The following LRRC61 variants were observed in gnomAD, a reference collection of about 807,000 sequenced individuals.
LRRC61 encodes leucine-rich repeat-containing protein 61.
LRRC61 carries 9 observed loss-of-function variants against 15.1 expected under a neutral mutation model. The observed-to-expected ratio is 0.60, with a 90% CI of 0.36 to 1.04. The LOEUF (loss-of-function observed/expected upper bound fraction) is 1.04. Ranked by LOEUF, LRRC61 falls within the 50% of genes least tolerant of loss-of-function variation. The pLI is 0.01. For synonymous variants in LRRC61, 173 were observed against 158.6 expected, an observed-to-expected ratio of 1.09 and a Z score of -0.68; for missense variants, 344 against 335.6, an observed-to-expected ratio of 1.03 and a Z score of -0.20.
chr7:150,316,651 A>T, the LRRC61 span, among the ~76,000 whole-genome samples: 5 of 151,862 alleles, frequency 3.3e-5, no homozygotes, highest in Non-Finnish European at 7.4e-5. Context: ...ACGCTCAGCT[A>T]ATTTTTGTAT....
the LRRC61 span, among the ~76,000 whole-genome samples, chr7:150,317,270 G>A: frequency 6.6e-6 from 1 of 152,124 alleles, no homozygotes; most frequent in East Asian, 1.9e-4. Context: ...GGCTGGTCTC[G>A]AACTTATGGA....
chr7:150,318,676 C>T (rs1045092401), upstream of LRRC61, among the ~76,000 whole-genome samples: 4 of 152,110 alleles, frequency 2.6e-5, no homozygotes, highest in Non-Finnish European at 5.9e-5. Flanking sequence ...GCAGAAGAAT[C>T]GCTTGAACCC....
chr7:150,316,863 G>A, the LRRC61 span, among the ~76,000 whole-genome samples: 2 of 152,228 alleles, frequency 1.3e-5, no homozygotes, highest in South Asian at 2.1e-4. Context: ...AGGGAGAACC[G>A]ATATCTTTTA....
upstream of LRRC61, among the ~76,000 whole-genome samples, chr7:150,319,077 A>G (rs1201125211): frequency 2.0e-5 from 3 of 152,190 alleles, no homozygotes; most frequent in African/African-American, 7.2e-5. Context: ...CCAGTCTATT[A>G]CTGAGCAAGT....
chr7:150,337,837 A>G lies in LRRC61; in HGVS notation c.*196A>G, dbSNP rs1798361419. 1.6e-6 allele frequency: 1 copy of G among 639,516 alleles called. No homozygotes were observed. The highest frequency in any genetic ancestry group is 2.6e-6 in the Non-Finnish European group (1 of 378,436). 39.6% of individuals were successfully genotyped at this position (639,516 alleles called of 1,614,324 possible). A position where few individuals can be genotyped will look rare whatever the true frequency, so the allele number is the denominator to read the frequency against. ...TGCAAGGACAGACTGAAGGGCTGTG[A>G]GCAGGTGTAAGGGCTCCCACATCCG... On this transcript the variant is annotated 3_prime_UTR_variant, in exon 3 of 3. Transcript: ENST00000359623.
At chr7:150,331,053 G>C (rs919572318) in intron 2 of LRRC61, 16 of 1,612,086 alleles carry the variant, frequency 9.9e-6, no homozygotes, top group Non-Finnish European at 1.4e-5. Flanking sequence ...GGCTTACTGG[G>C]AGAAGAAGCG....
rs983526900 is a variant in LRRC61 at position 150,334,179 on chromosome 7, T to G, written c.-144-2539T>G. 1.1e-5 allele frequency: 10 copies of G among 934,694 alleles called. No individual in the cohort carries two copies. The African/African-American group carries it at 1.8e-4, about 17-fold the overall frequency. 57.9% of individuals were successfully genotyped at this position (934,694 alleles called of 1,614,324 possible). ...CCATCATCTCCATCTAAAAAGCCAC[T>G]GACCCAGTTCCTCAGGGCATTCACT... On this transcript the variant is annotated intron_variant, in intron 2 of 2. Transcript: ENST00000359623.
At chr7:150,316,935 T>G in the LRRC61 span, among the ~76,000 whole-genome samples, 1 of 152,242 alleles carries the variant, frequency 6.6e-6, no homozygotes, top group Admixed American at 6.5e-5. Context: ...GTCTTCTTTT[T>G]GTTGTCTTTA....
At chr7:150,328,552 A>AT (rs1281574358) in intron 2 of LRRC61, 1 of 152,352 alleles carries the variant, frequency 6.6e-6, no homozygotes, top group East Asian at 1.9e-4. Context: ...AACACGTTCT[A>AT]TCGTGCTTGT....
the LRRC61 span, among the ~76,000 whole-genome samples, chr7:150,312,998 C>G: frequency 6.6e-6 from 1 of 152,212 alleles, no homozygotes; most frequent in Non-Finnish European, 1.5e-5. Flanking sequence ...ATGACTTGTC[C>G]TGGCCCTGCC....
rs1350864631 is a variant in LRRC61, at chr7:150,333,916, C to T, written c.-144-2802C>T. 5.1e-6 allele frequency: 5 copies of T among 985,206 alleles called. No individual in the cohort carries two copies. The African/African-American group carries it at 8.7e-5, about 17-fold the overall frequency. The allele number at this position is 985,206 out of a possible 1,614,324, so 61.0% of individuals were successfully genotyped here. On this transcript the variant is annotated intron_variant, in intron 2 of 2. Coordinates refer to ENST00000359623, the MANE Select transcript of LRRC61 (RefSeq NM_001142928.2). This position sits in a 1 kb window ranked among gnomAD's most constrained non-coding sequence, Gnocchi z 4.3. ...AAACACAGCAGAGGTCACTGACCCCCAAGAGAATGAGGGTTATGCACGACC... is the reference window on the plus strand; with the variant it reads ...AAACACAGCAGAGGTCACTGACCCCTAAGAGAATGAGGGTTATGCACGACC...
chr7:150,333,679 T>G lies in LRRC61; in HGVS notation c.-144-3039T>G, dbSNP rs768949264. ...CACCAGTCCTCTTTCCAGACTCTGT[T>G]GCTGGGCCAGGAGGTCTCTGTTCCC... On this transcript the variant is annotated intron_variant, in intron 2 of 2. Coordinates refer to ENST00000359623, the MANE Select transcript of LRRC61 (RefSeq NM_001142928.2). The surrounding 1 kb of genome is among the most constrained non-coding windows in gnomAD (Gnocchi z 4.3). 1.8e-4 allele frequency among the ~76,000 whole-genome samples: 28 copies of G among 152,232 alleles called. No individual in the cohort carries two copies. Among genetic ancestry groups the G allele is most frequent in the Non-Finnish European group, 4.0e-4 (27 of 68,038 alleles).
chr7:150,327,114 T>C (rs1280568298), intron 2 of LRRC61, among the ~76,000 whole-genome samples: 1 of 152,138 alleles, frequency 6.6e-6, no homozygotes, highest in East Asian at 1.9e-4. Context: ...TGGTGAGTAA[T>C]GTTTAGCATC....
chr7:150,332,128 A>G (rs1798127006), intron 2 of LRRC61: 1 of 167,008 alleles, frequency 6.0e-6, no homozygotes, highest in African/African-American at 2.4e-5. Flanking sequence ...GTCCTGGACC[A>G]CTTTTAAAGG....
chr7:150,313,438 G>A, the LRRC61 span, among the ~76,000 whole-genome samples: 3 of 152,366 alleles, frequency 2.0e-5, no homozygotes, highest in Admixed American at 6.5e-5. Context: ...GGGTTATGAT[G>A]ATAAGGGATT....
chr7:150,316,122 G>A, the LRRC61 span, among the ~76,000 whole-genome samples: 47 of 152,256 alleles, frequency 3.1e-4, no homozygotes, highest in East Asian at 8.3e-3. Context: ...GCCTGAACCC[G>A]GGAGGTGGAG....
At position 150,337,226 on chromosome 7, in the gene LRRC61, C is replaced by G; in HGVS notation, c.365C>G (p.Pro122Arg). ...CAGCTGCAGTGTCTGGCTGGGCTACCGTGCCTGGAGTACCTGCGGCTCCGA... is the reference window on the plus strand; with the variant it reads ...CAGCTGCAGTGTCTGGCTGGGCTACGGTGCCTGGAGTACCTGCGGCTCCGA... Reference protein sequence around the residue: ...PGQLQCLAGLPCLEYLRLRDP... With the variant: ...PGQLQCLAGLRCLEYLRLRDP... The change falls in exon 3 of 3, where the codon CCG becomes CGG. Residue 122 changes from proline (P) to arginine (R), a missense_variant. Physicochemically the swap from Pro to Arg is moderately radical, Grantham distance 103. Coordinates refer to ENST00000359623, the MANE Select transcript of LRRC61 (RefSeq NM_001142928.2). 1 of 1,604,942 alleles carries G rather than the reference C, an allele frequency of 6.2e-7. No homozygotes were observed. The highest frequency in any genetic ancestry group is 8.5e-7 in the Non-Finnish European group (1 of 1,179,904).
rs777960753 is a variant in LRRC61 at position 150,337,176 on chromosome 7, A to G, written c.315A>G (p.Ala105=). 1.9e-6 allele frequency: 3 copies of G among 1,609,092 alleles called. No homozygotes were observed. The South Asian group carries it at 3.3e-5, about 18-fold the overall frequency. The change falls in exon 3 of 3, where the codon GCA becomes GCG. Residue 105 remains alanine, a synonymous_variant. Coordinates refer to ENST00000359623, the MANE Select transcript of LRRC61 (RefSeq NM_001142928.2). Reference sequence around the variant, plus strand: ...AGAACTTGCAGAGTCTCAATGCCGCAGGCAACCTACTGGCCACCCCGGGCC... The same window carrying G: ...AGAACTTGCAGAGTCTCAATGCCGCGGGCAACCTACTGGCCACCCCGGGCC... The part of the protein sequence containing the change: ...TCENLQSLNA[A]GNLLATPGQL...
chr7:150,330,835 G>A lies in LRRC61; in HGVS notation c.-145+4825G>A, dbSNP rs1230672905. ...GTAGCCAAGAGCTCCGGGGTGGAGG[G>A]GAGAAGCCAGGGGGAGCCTCTGCAG... On this transcript the variant is annotated intron_variant, in intron 2 of 2. Coordinates refer to ENST00000359623, the MANE Select transcript of LRRC61 (RefSeq NM_001142928.2). The surrounding 1 kb of genome is among the most constrained non-coding windows in gnomAD (Gnocchi z 4.6). The A allele has an allele frequency of 6.2e-7, 1 of 1,609,186 alleles. No individual in the cohort carries two copies. The highest frequency in any genetic ancestry group is 1.1e-5 in the South Asian group (1 of 90,962).
Sources: allele counts gnomAD v4.1 joint callset (sites outside exome capture counted in the v4.1 genomes callset), GRCh38; gene constraint gnomAD v4.1.1; non-coding constraint Gnocchi (gnomAD v3.1); transcripts MANE v1.5; gene names NCBI Gene and HGNC (gene_info 2026-07-23, HGNC 2026-07-21).